Variants in LMNB2 observed in about 807,000 individuals in gnomAD.
LMNB2 encodes lamin B2, also known as lamin-B2.
In LMNB2, 17 loss-of-function variants were observed where a neutral mutation model predicts 69.3. The ratio of observed to expected loss-of-function variants is 0.25; its 90% confidence interval spans 0.17 to 0.37. LMNB2 has a LOEUF of 0.37. LMNB2 is among the 10% of genes least tolerant of loss of function. The probability of loss-of-function intolerance (pLI) is 1.00; values close to 1 mark genes in which losing one functional copy is unlikely to be tolerated. For missense variants in LMNB2, 789 were observed against 883.6 expected, an observed-to-expected ratio of 0.89 and a Z score of 1.36; for synonymous variants, 397 against 389.3, an observed-to-expected ratio of 1.02 and a Z score of -0.23.
intron 1 of LMNB2, among the ~76,000 whole-genome samples, chr19:2,444,970 C>T (rs114888299): frequency 0.033 from 4,968 of 152,280 alleles, 291 homozygotes; most frequent in African/African-American, 0.11. Context: ...GCCCCTTGGC[C>T]GCTGTCATAG....
Position 2,429,905 on chromosome 19 carries a change from G to C in LMNB2, c.*1006C>G, listed in dbSNP as rs1971714811. ...GGGGCTTGGGTGCGTCGTGATAGGA[G>C]TCAGGTGGCCTTGGCCTGTCTGAGA... On this transcript the variant is annotated 3_prime_UTR_variant, in exon 12 of 12. Coordinates refer to ENST00000325327, the MANE Select transcript of LMNB2 (RefSeq NM_032737.4). 6.6e-6 allele frequency: 1 copy of C among 152,288 alleles called. No individual in the cohort carries two copies. Among genetic ancestry groups the C allele is most frequent in the African/African-American group, 2.4e-5 (1 of 41,436 alleles). 9.4% of individuals were successfully genotyped at this position (152,288 alleles called of 1,614,324 possible).
rs556683746 is a variant in LMNB2, at chr19:2,434,554, T to C, written c.982-39A>G. ...GGGTGGCGAAGGTCAGGGCAGCCCA[T>C]GGGTCACAAGGCCCAGGTGATCCTG... On this transcript the variant is annotated intron_variant, in intron 6 of 11. Coordinates refer to ENST00000325327, the MANE Select transcript of LMNB2 (RefSeq NM_032737.4). 3.5e-5 allele frequency: 56 copies of C among 1,594,490 alleles called. No homozygotes were observed. In the East Asian group the frequency reaches 1.2e-3, roughly 33 times the overall value.
chr19:2,449,029 T>C (rs920633885), intron 1 of LMNB2, among the ~76,000 whole-genome samples: 3 of 152,182 alleles, frequency 2.0e-5, no homozygotes, highest in African/African-American at 7.2e-5. Context: ...GCTGGGACTA[T>C]AGGCACACAT....
intron 9 of LMNB2, 66 bp from the exon 10 acceptor site, chr19:2,431,968 T>C (rs1599329832): frequency 3.2e-6 from 5 of 1,553,902 alleles, no homozygotes; most frequent in Non-Finnish European, 4.3e-6. Flanking sequence ...GGCCAGCCAG[T>C]GGCCCCTACC....
intron 1 of LMNB2, among the ~76,000 whole-genome samples, chr19:2,451,343 T>C (rs934824997): frequency 2.0e-5 from 3 of 152,234 alleles, no homozygotes; most frequent in African/African-American, 4.8e-5. Context: ...TAAAGTTTTA[T>C]TGACACATAG....
Position 2,435,104 on chromosome 19 carries a change from T to C in LMNB2, c.752A>G (p.Glu251Gly), listed in dbSNP as rs1971805759. ...CGCCTGTGCCATCTTGAAGTCGTAC[T>C]CCTGCTGCCGGCTGCTGTCCACCTC... ...LVEVDSSRQQ[E>G]YDFKMAQALE... The change falls in exon 5 of 12, where the codon GAG becomes GGG. Residue 251 changes from glutamate (E) to glycine (G), a missense_variant. Transcript: ENST00000325327. 1.2e-6 allele frequency: 2 copies of C among 1,609,530 alleles called. No homozygotes were observed. The highest frequency in any genetic ancestry group is 8.5e-7 in the Non-Finnish European group (1 of 1,179,754).
intron 1 of LMNB2, among the ~76,000 whole-genome samples, chr19:2,449,801 C>T (rs1268778037): frequency 1.3e-5 from 2 of 149,238 alleles, no homozygotes; most frequent in Admixed American, 6.7e-5. Flanking sequence ...TATGTCTGGG[C>T]GCCGTGGCTC....
intron 1 of LMNB2, among the ~76,000 whole-genome samples, chr19:2,448,020 T>C (rs1289058007): frequency 6.6e-6 from 1 of 152,156 alleles, no homozygotes; most frequent in Non-Finnish European, 1.5e-5. Flanking sequence ...CCTAGACATA[T>C]CAGGTCTGCG....
Position 2,453,151 on chromosome 19 carries a change from C to T in LMNB2, c.264+3519G>A, listed in dbSNP as rs572604088. ...TCTCGGGGCGCTGAGCAGTACCCAG[C>T]CTCCACCCACGCTGTGCCGATGCCG... On this transcript the variant is annotated intron_variant, in intron 1 of 11. Coordinates refer to ENST00000325327, the MANE Select transcript of LMNB2 (RefSeq NM_032737.4). The surrounding 1 kb of genome is among the most constrained non-coding windows in gnomAD (Gnocchi z 4.4). 6.6e-6 allele frequency among the ~76,000 whole-genome samples: 1 copy of T among 152,090 alleles called. No individual in the cohort carries two copies. The highest frequency in any genetic ancestry group is 2.1e-4 in the South Asian group (1 of 4,832).
rs750302398 is a variant in LMNB2 at position 2,434,842 on chromosome 19, C to T, written c.927G>A (p.Glu309=). ...TGAGGGACTCCAGGCGCATGCGGGC[C>T]TCCTTCAGCTCCTCGCGAGCCGCAC... ...AASAAREELK[E]ARMRLESLSY... The change falls in exon 6 of 12, where the codon GAG becomes GAA. Residue 309 remains glutamate, a synonymous_variant. Coordinates refer to ENST00000325327, the MANE Select transcript of LMNB2 (RefSeq NM_032737.4). 1.4e-5 allele frequency: 22 copies of T among 1,608,526 alleles called. No individual in the cohort carries two copies. In the African/African-American group the frequency reaches 2.5e-4, roughly 19 times the overall value.
intron 4 of LMNB2, chr19:2,436,802 TG>T (rs1309517742): frequency 1.3e-5 from 2 of 152,996 alleles, no homozygotes; most frequent in Non-Finnish European, 2.9e-5. Flanking sequence ...CTCCGCACCC[TG>T]TGGGCTGCAC....
intron 1 of LMNB2, among the ~76,000 whole-genome samples, chr19:2,444,851 G>A (rs890553542): frequency 3.9e-5 from 6 of 152,204 alleles, no homozygotes; most frequent in African/African-American, 1.2e-4. Context: ...CCAGCTCCCA[G>A]AACAGCGGCG....
intron 2 of LMNB2, among the ~76,000 whole-genome samples, chr19:2,439,035 CTTTTTTT>C (rs397945879): frequency 2.1e-4 from 14 of 65,708 alleles, no homozygotes; most frequent in African/African-American, 3.9e-4. Context: ...GGCACTTAAG[CTTTTTTT>C]TTTTTTTTTT....
At chr19:2,448,857 G>C (rs555021547) in intron 1 of LMNB2, among the ~76,000 whole-genome samples, 20 of 151,986 alleles carry the variant, frequency 1.3e-4, no homozygotes, top group Admixed American at 3.3e-4. Context: ...AAAATAAAAA[G>C]AAAAAGAATC....
At chr19:2,452,583 G>A (rs953982369) in intron 1 of LMNB2, among the ~76,000 whole-genome samples, 5 of 151,918 alleles carry the variant, frequency 3.3e-5, no homozygotes, top group South Asian at 2.1e-4. Context: ...AAAATTAGCC[G>A]GGTGTGGTGG....
intron 9 of LMNB2, 25 bp from the exon 10 acceptor site, chr19:2,431,927 C>T (rs769559185): frequency 3.1e-6 from 5 of 1,601,356 alleles, no homozygotes; most frequent in Non-Finnish European, 3.4e-6. Context: ...ACAATGGCCC[C>T]ATCAGGGTCA....
intron 1 of LMNB2, among the ~76,000 whole-genome samples, chr19:2,445,740 C>T (rs1422483011): frequency 6.5e-5 from 5 of 76,940 alleles, no homozygotes; most frequent in Admixed American, 2.9e-4. Flanking sequence ...ACCCCACCAG[C>T]GGCCCCCACG....
rs1344677604 is a variant in LMNB2 at position 2,443,539 on chromosome 19, C to A, written c.401+865G>T. On this transcript the variant is annotated intron_variant, in intron 2 of 11. Transcript: ENST00000325327. The surrounding 1 kb of genome is among the most constrained non-coding windows in gnomAD (Gnocchi z 6.2). Reference sequence around the variant, plus strand: ...GCAGATCCCTCCATGCTGAGCCAGGCCTGCGTGGCTCTGGGAGAATGAGCA... The same window carrying A: ...GCAGATCCCTCCATGCTGAGCCAGGACTGCGTGGCTCTGGGAGAATGAGCA... Among the ~76,000 whole-genome samples, 1 of 152,182 alleles carries A rather than the reference C, an allele frequency of 6.6e-6. No individual in the cohort carries two copies. The highest frequency in any genetic ancestry group is 1.5e-5 in the Non-Finnish European group (1 of 68,038).
In LMNB2 at chr19:2,447,989, G is replaced by A. The variant is rs4807269; in HGVS notation, c.265-3449C>T. 1.3e-5 allele frequency among the ~76,000 whole-genome samples: 2 copies of A among 151,970 alleles called. No homozygotes were observed. Among genetic ancestry groups the A allele is most frequent in the Non-Finnish European group, 2.9e-5 (2 of 67,970 alleles). On this transcript the variant is annotated intron_variant, in intron 1 of 11. Transcript: ENST00000325327. This position sits in a 1 kb window ranked among gnomAD's most constrained non-coding sequence, Gnocchi z 4.4. ...CTGAGGCACGGGTCAGTAAAAAGCC[G>A]CCTCCTGACCACCGCTGGGTCCTAG... is the stretch of plus-strand genomic sequence containing the variant.
Sources: gnomAD v4.1 joint callset for allele counts (sites outside exome capture counted in the v4.1 genomes callset) on GRCh38, gnomAD v4.1.1 for gene constraint, Gnocchi (gnomAD v3.1) non-coding constraint, MANE v1.5 for transcripts, NCBI Gene and HGNC (gene_info 2026-07-23, HGNC 2026-07-21) for gene names.